The following KCNMA1 variants were observed in gnomAD, a reference collection of about 807,000 sequenced individuals.
KCNMA1 encodes the protein potassium calcium-activated channel subfamily M alpha 1, also known as Calcium-activated potassium channel subunit alpha-1.
Under a neutral mutation model 140.0 loss-of-function variants are expected in KCNMA1, and 29 were observed. The ratio of observed to expected loss-of-function variants is 0.21; its 90% CI spans 0.15 to 0.28. The LOEUF is 0.28. Ranked by LOEUF, KCNMA1 falls within the 10% of genes least tolerant of loss-of-function variation. The pLI is 1.00. For synonymous variants in KCNMA1, 612 were observed against 611.9 expected (o/e 1.00, Z 0.00); for missense variants, 880 against 1,602.2 (o/e 0.55, Z 7.70).
intron 1 of KCNMA1, among the ~76,000 whole-genome samples, chr10:77,513,458 C>A (rs2049162171): frequency 6.6e-6 from 1 of 152,230 alleles, no homozygotes; most frequent in Admixed American, 6.5e-5. Flanking sequence ...GGGAGCCTAG[C>A]ACTTATTCCA....
At chr10:77,412,837 T>C (rs2096649526) in intron 1 of KCNMA1, among the ~76,000 whole-genome samples, 1 of 152,142 alleles carries the variant, frequency 6.6e-6, no homozygotes, top group South Asian at 2.1e-4. Context: ...AGGCCCATGT[T>C]AGCTTTTTTT....
At chr10:77,155,801 G>A (rs2098476280) in intron 5 of KCNMA1, among the ~76,000 whole-genome samples, 1 of 152,158 alleles carries the variant, frequency 6.6e-6, no homozygotes, top group African/African-American at 2.4e-5. Flanking sequence ...AGCCTCAGAA[G>A]AGAATGTCAC....
Position 76,885,440 on chromosome 10 carries a change from T to C in KCNMA1, c.*1826A>G. 2 of 985,034 alleles carry C rather than the reference T, an allele frequency of 2.0e-6. No individual in the cohort carries two copies. The highest frequency in any genetic ancestry group is 2.4e-6 in the Non-Finnish European group (2 of 829,866). The allele number at this position is 985,034 out of a possible 1,614,324, so 61.0% of individuals were successfully genotyped here. A position where few individuals can be genotyped will look rare whatever the true frequency, so the allele number is the denominator to read the frequency against. On this transcript the variant is annotated 3_prime_UTR_variant, in exon 28 of 28. Transcript: ENST00000286628. ...TCTTTGGTGTGGGGGAGGGTGGAGG[T>C]TCTGACTGAGCCTCACCATTTGTCA...
At chr10:77,393,952 C>T (rs2095937408) in intron 2 of KCNMA1, among the ~76,000 whole-genome samples, 1 of 152,230 alleles carries the variant, frequency 6.6e-6, no homozygotes, top group Non-Finnish European at 1.5e-5. Context: ...GCTCTGCTTG[C>T]TTACCAGGCC....
chr10:77,230,643 G>T (rs939117669), intron 3 of KCNMA1, among the ~76,000 whole-genome samples: 1 of 152,154 alleles, frequency 6.6e-6, no homozygotes, highest in African/African-American at 2.4e-5. Context: ...ATCAGAGCTT[G>T]CACCCAGGCT....
rs116626873 is a variant in KCNMA1 at position 77,403,727 on chromosome 10, G to A, written c.540+135C>T. 3,076 of 783,312 alleles carry A rather than the reference G, an allele frequency of 3.9e-3. 56 individuals are homozygous for A. In the African/African-American group the frequency reaches 0.047, roughly 12 times the overall value. The allele number at this position is 783,312 out of a possible 1,614,324, so 48.5% of individuals were successfully genotyped here. A position where few individuals can be genotyped will look rare whatever the true frequency, so the allele number is the denominator to read the frequency against. ...GCCTCTCCTCCATGACCACGCGGGA[G>A]CACTTGCTGCTCACCCCCACCTCCC... On this transcript the variant is annotated intron_variant, in intron 2 of 27. Transcript: ENST00000286628.
intron 1 of KCNMA1, among the ~76,000 whole-genome samples, chr10:77,607,602 T>C (rs1272097960): frequency 1.3e-5 from 2 of 151,954 alleles, no homozygotes; most frequent in African/African-American, 4.8e-5. Context: ...GATGTGATGA[T>C]GGAAACTGAG....
At chr10:76,973,568 C>T (rs2076683847) in intron 19 of KCNMA1, among the ~76,000 whole-genome samples, 1 of 152,130 alleles carries the variant, frequency 6.6e-6, no homozygotes, top group Non-Finnish European at 1.5e-5. Flanking sequence ...ATGACATAAC[C>T]TCCAGACAAT....
At position 77,112,436 on chromosome 10, in the gene KCNMA1, G is replaced by A. The variant is rs981095507; in HGVS notation, c.891C>T (p.Ser297=). 1 of 1,613,382 alleles carries A rather than the reference G, an allele frequency of 6.2e-7. No homozygotes were observed. Among genetic ancestry groups the A allele is most frequent in the African/African-American group, 1.3e-5 (1 of 75,024 alleles). ...TGGAGAGCAGATTCACCAGCTTGAT[G>A]GAATTACTGTGCAAGAGACAACAAG... ...QFLNILKTSN[S]IKLVNLLSIF... is the part of the protein sequence containing the mutation. The change falls in exon 7 of 28, where the codon TCC becomes TCT. Residue 297 remains serine (S), a synonymous_variant. Coordinates refer to ENST00000286628, the MANE Select transcript of KCNMA1 (RefSeq NM_001161352.2).
chr10:77,474,341 G>A (rs1199328241), intron 1 of KCNMA1, among the ~76,000 whole-genome samples: 1 of 152,160 alleles, frequency 6.6e-6, no homozygotes, highest in East Asian at 1.9e-4. Flanking sequence ...GGTCATTAGG[G>A]TGGGCCTTCA....
chr10:77,506,840 A>AGAGT lies in KCNMA1; in HGVS notation c.379-102818_379-102817insACTC, dbSNP rs1251463030. Among the ~76,000 whole-genome samples, 989 of 120,908 alleles carry AGAGT rather than the reference A, an allele frequency of 8.2e-3. 6 individuals are homozygous for AGAGT. Among genetic ancestry groups the AGAGT allele is most frequent in the Non-Finnish European group, 0.012 (730 of 59,418 alleles). 79.3% of individuals were successfully genotyped at this position (120,908 alleles called of 152,430 possible). ...GAGAGAGAAAGAGAGAGAGAGAGAG[A>AGAGT]GTGTGTGTGTGTGTGTGTGTGTGTG... On this transcript the variant is annotated intron_variant, in intron 1 of 27. Coordinates refer to ENST00000286628, the MANE Select transcript of KCNMA1 (RefSeq NM_001161352.2).
chr10:77,133,329 CAG>C (rs1321210202), intron 5 of KCNMA1, among the ~76,000 whole-genome samples: 1 of 151,698 alleles, frequency 6.6e-6, no homozygotes, highest in Non-Finnish European at 1.5e-5. Flanking sequence ...TATGGAAAGA[CAG>C]AGATTCACAT....
chr10:76,956,682 G>GA (rs1470842133), intron 20 of KCNMA1, among the ~76,000 whole-genome samples: 1 of 151,950 alleles, frequency 6.6e-6, no homozygotes, highest in African/African-American at 2.4e-5. Context: ...AAGATAGCAG[G>GA]AAAAAAATAT....
At chr10:77,095,487 T>A (rs2153810343) in intron 9 of KCNMA1, among the ~76,000 whole-genome samples, 1 of 152,274 alleles carries the variant, frequency 6.6e-6, no homozygotes, top group African/African-American at 2.4e-5. Context: ...TGCCTGGTGC[T>A]GGGTCAGGGC....
chr10:77,229,069 T>C (rs1673698462), intron 3 of KCNMA1, among the ~76,000 whole-genome samples: 1 of 152,214 alleles, frequency 6.6e-6, no homozygotes, highest in Admixed American at 6.5e-5. Context: ...GAGGTTTTTG[T>C]TTTCTAGGAT....
intron 2 of KCNMA1, chr10:77,309,519 C>T (rs912222913): frequency 6.6e-6 from 1 of 152,254 alleles, no homozygotes; most frequent in African/African-American, 2.4e-5. Context: ...TTCATTTTCC[C>T]CAGCACCTCA....
chr10:77,439,149 A>AGAGAAGAGAAGAGAAGAGAG (rs1555337767), intron 1 of KCNMA1, among the ~76,000 whole-genome samples: 60 of 85,272 alleles, frequency 7.0e-4, no homozygotes, highest in Admixed American at 3.1e-3. Context: ...AGAGAAGAGA[A>AGAGAAGAGAAGAGAAGAGAG]AAGAGAAGAG....
At chr10:77,329,765 C>T (rs923042490) in intron 2 of KCNMA1, among the ~76,000 whole-genome samples, 1 of 152,162 alleles carries the variant, frequency 6.6e-6, no homozygotes, top group Admixed American at 6.5e-5. Context: ...GATTTCAATC[C>T]TAACCTCTGA....
At chr10:77,197,391 G>C (rs1324816333) in intron 3 of KCNMA1, among the ~76,000 whole-genome samples, 3 of 152,200 alleles carry the variant, frequency 2.0e-5, no homozygotes, top group Non-Finnish European at 2.9e-5. Flanking sequence ...TGATCAGGTA[G>C]GTTGTTACTT....
Sources: allele counts gnomAD v4.1 joint callset (sites outside exome capture counted in the v4.1 genomes callset), GRCh38; gene constraint gnomAD v4.1.1; transcripts MANE v1.5; gene names NCBI Gene and HGNC (gene_info 2026-07-23, HGNC 2026-07-21).